OSBPL6: variants seen among roughly 807,000 people sequenced by gnomAD.
OSBPL6 encodes oxysterol binding protein like 6.
A neutral mutation model predicts 125.8 loss-of-function variants in OSBPL6; 49 were observed. The ratio of observed to expected loss-of-function variants is 0.39; its 90% CI spans 0.31 to 0.49. The LOEUF (loss-of-function observed/expected upper bound fraction) is 0.49. OSBPL6 is among the 20% of genes least tolerant of loss of function. The pLI is 0.88. For missense variants in OSBPL6, 986 were observed against 1,135.4 expected, an observed-to-expected ratio of 0.87 and a Z score of 1.89; for synonymous variants, 394 against 391.8, an observed-to-expected ratio of 1.01 and a Z score of -0.07.
intron 12 of OSBPL6, among the ~76,000 whole-genome samples, chr2:178,359,485 AT>A (rs1692126450): frequency 2.0e-5 from 3 of 151,882 alleles, no homozygotes; most frequent in Non-Finnish European, 4.4e-5. Context: ...ACACCGGAAA[AT>A]AGTACAGAGA....
Position 178,374,027 on chromosome 2 carries a change from G to A in OSBPL6, c.1533G>A (p.Glu511=). ...TCTCTGCAAGTTCGTCAGAGAATGA[G>A]GTATGTATGCCTCCTTGACTTGTTG... ...VLLSASSSEN[E]ASDDESYISD... The change falls in exon 15 of 25, where the codon GAG becomes GAA. Residue 511 remains glutamate (E), a splice_region_variant and synonymous_variant. Transcript: ENST00000190611. The A allele has an allele frequency of 6.2e-7, 1 of 1,613,814 alleles. No homozygotes were observed. Among genetic ancestry groups the A allele is most frequent in the Admixed American group, 1.7e-5 (1 of 59,998 alleles).
At chr2:178,278,624 A>G (rs539705056) in intron 1 of OSBPL6, among the ~76,000 whole-genome samples, 1 of 152,344 alleles carries the variant, frequency 6.6e-6, no homozygotes, top group Non-Finnish European at 1.5e-5. Context: ...CTAGGTAACA[A>G]TGACTGAAAT....
intron 9 of OSBPL6, among the ~76,000 whole-genome samples, chr2:178,338,779 A>G (rs958724001): frequency 6.6e-6 from 1 of 152,220 alleles, no homozygotes; most frequent in Non-Finnish European, 1.5e-5. Context: ...ACTAATAGCT[A>G]TTAACTTTTA....
chr2:178,297,236 C>G (rs1685839171), intron 2 of OSBPL6, among the ~76,000 whole-genome samples: 1 of 151,926 alleles, frequency 6.6e-6, no homozygotes, highest in South Asian at 2.1e-4. Context: ...CACTATTGAA[C>G]AGATAGGAAA....
At chr2:178,217,099 TG>T (rs1559126027) in intron 1 of OSBPL6, among the ~76,000 whole-genome samples, 1 of 152,210 alleles carries the variant, frequency 6.6e-6, no homozygotes, top group Non-Finnish European at 1.5e-5. Flanking sequence ...AGAGTGCCTT[TG>T]TTTTGGGAAA....
At chr2:178,336,176 C>A in intron 8 of OSBPL6, 125 bp from the exon 9 acceptor site, 1 of 1,244,666 alleles carries the variant, frequency 8.0e-7, no homozygotes, top group Admixed American at 2.2e-5. Flanking sequence ...CAAGAGGCTT[C>A]TTCCATGTTT....
At chr2:178,199,222 G>A (rs1251131798) in intron 1 of OSBPL6, among the ~76,000 whole-genome samples, 2 of 152,104 alleles carry the variant, frequency 1.3e-5, no homozygotes, top group African/African-American at 4.8e-5. Flanking sequence ...AATCAAATGA[G>A]AGCTTTCATG....
intron 13 of OSBPL6, among the ~76,000 whole-genome samples, chr2:178,371,897 C>G (rs1693425342): frequency 6.6e-6 from 1 of 152,122 alleles, no homozygotes; most frequent in South Asian, 2.1e-4. Context: ...TCTATTAACT[C>G]TTTCAGCCCA....
Position 178,238,828 on chromosome 2 carries a change from G to A in OSBPL6, c.-351+44154G>A, listed in dbSNP as rs372194461. 3.9e-5 allele frequency among the ~76,000 whole-genome samples: 6 copies of A among 152,272 alleles called. No individual in the cohort carries two copies. The East Asian group carries it at 9.7e-4, about 25-fold the overall frequency. On this transcript the variant is annotated intron_variant, in intron 1 of 24. Coordinates refer to ENST00000190611, the MANE Select transcript of OSBPL6 (RefSeq NM_032523.4). ...TCCCCCCAAAATAAGGGGTTCTACT[G>A]TACATACTTTCTAAATGTAGGTACT...
intron 15 of OSBPL6, among the ~76,000 whole-genome samples, chr2:178,382,032 T>C (rs1369593123): frequency 6.6e-6 from 1 of 152,216 alleles, no homozygotes; most frequent in African/African-American, 2.4e-5. Context: ...GGGCAGCCTC[T>C]CCTGAGTCCT....
chr2:178,235,424 T>TTA (rs1234300512), intron 1 of OSBPL6, among the ~76,000 whole-genome samples: 1 of 92,996 alleles, frequency 1.1e-5, no homozygotes, highest in South Asian at 3.3e-4. Flanking sequence ...TTTTTTTTTT[T>TTA]GAGACAAAGT....
At chr2:178,355,264 C>CA (rs540439592) in intron 12 of OSBPL6, among the ~76,000 whole-genome samples, 4,289 of 151,904 alleles carry the variant, frequency 0.028, 189 homozygotes, top group African/African-American at 0.096. Context: ...GATAGAGACA[C>CA]AAAAAAACCC....
chr2:178,349,245 T>G lies in OSBPL6; in HGVS notation c.1009T>G (p.Ser337Ala), dbSNP rs1361629521. ...QLQVPFSATM[S>A]PVRLHSSNPN... ...TCAGGTTCCTTTCAGTGCTACCATG[T>G]CACCAGTTCGCTTGCATTCCTCCAA... Residue 337 changes from serine (S) to alanine (A), a missense_variant, in exon 12 of 25, where the codon TCA becomes GCA. Transcript: ENST00000190611. 1 of 1,614,198 alleles carries G rather than the reference T, an allele frequency of 6.2e-7. No individual in the cohort carries two copies. Among genetic ancestry groups the G allele is most frequent in the Admixed American group, 1.7e-5 (1 of 60,028 alleles).
At chr2:178,306,330 G>T in intron 3 of OSBPL6, 44 bp downstream of exon 3, 1 of 1,152,190 alleles carries the variant, frequency 8.7e-7, no homozygotes, top group Non-Finnish European at 1.3e-6. Context: ...TTATGCAAAT[G>T]CAATACCACT....
chr2:178,277,917 G>A (rs577446820), intron 1 of OSBPL6, among the ~76,000 whole-genome samples: 1 of 152,134 alleles, frequency 6.6e-6, no homozygotes, highest in African/African-American at 2.4e-5. Flanking sequence ...TCTGAACTTC[G>A]CTCCTGTTCT....
At chr2:178,278,040 C>A (rs1489009146) in intron 1 of OSBPL6, among the ~76,000 whole-genome samples, 1 of 152,158 alleles carries the variant, frequency 6.6e-6, no homozygotes, top group Non-Finnish European at 1.5e-5. Flanking sequence ...GTCCCCTAAG[C>A]TCTGAGCTCT....
intron 1 of OSBPL6, among the ~76,000 whole-genome samples, chr2:178,253,786 G>A (rs1304738709): frequency 6.6e-6 from 1 of 152,178 alleles, no homozygotes; most frequent in African/African-American, 2.4e-5. Flanking sequence ...GCTAGGGATT[G>A]AATGTTTGAC....
chr2:178,339,623 G>T, intron 10 of OSBPL6, 49 bp from the exon 11 acceptor site: 1 of 1,449,758 alleles, frequency 6.9e-7, no homozygotes, highest in Non-Finnish European at 9.4e-7. Context: ...TGTATCATCT[G>T]TGTGAACTTA....
intron 3 of OSBPL6, chr2:178,323,921 G>A (rs557679245): frequency 2.8e-4 from 79 of 281,842 alleles, no homozygotes; most frequent in African/African-American, 2.2e-5. Flanking sequence ...AAAATTTTTC[G>A]AGAGATATTC....
Sources: gnomAD v4.1 joint callset for allele counts (sites outside exome capture counted in the v4.1 genomes callset) on GRCh38, gnomAD v4.1.1 for gene constraint, MANE v1.5 for transcripts, NCBI Gene and HGNC (gene_info 2026-07-23, HGNC 2026-07-21) for gene names.